SLC22A15: variants seen among roughly 807,000 people sequenced by gnomAD.
The protein encoded by SLC22A15 is flipt 1.
A neutral mutation model predicts 62.7 loss-of-function variants in SLC22A15; 45 were observed. That is an observed-to-expected ratio of 0.72 (90% CI 0.56 to 0.92). The LOEUF (loss-of-function observed/expected upper bound fraction) is 0.92. SLC22A15 is among the 40% of genes least tolerant of loss of function. SLC22A15 has a pLI of 0.00. For synonymous variants in SLC22A15, 264 were observed against 267.0 expected (o/e 0.99, Z 0.11); for missense variants, 622 against 665.6 (o/e 0.93, Z 0.72).
At chr1:116,003,858 T>C (rs1453593748) in intron 2 of SLC22A15, among the ~76,000 whole-genome samples, 1 of 152,224 alleles carries the variant, frequency 6.6e-6, no homozygotes, top group Admixed American at 6.5e-5. Context: ...AAAGAGCTGA[T>C]GTTTATGGTT....
At chr1:116,049,788 T>G (rs1040815004) in intron 8 of SLC22A15, among the ~76,000 whole-genome samples, 2 of 151,326 alleles carry the variant, frequency 1.3e-5, no homozygotes, top group African/African-American at 4.9e-5. Flanking sequence ...CAAACAAATA[T>G]GAAAGATAAA....
At chr1:116,008,314 G>A (rs75927536) in intron 2 of SLC22A15, among the ~76,000 whole-genome samples, 3,661 of 152,272 alleles carry the variant, frequency 0.024, 152 homozygotes, top group African/African-American at 0.084. Context: ...GGAACAAGGA[G>A]TGGGTGGATA....
chr1:116,006,009 C>A (rs570348688), intron 2 of SLC22A15, among the ~76,000 whole-genome samples: 2 of 152,288 alleles, frequency 1.3e-5, no homozygotes, highest in East Asian at 3.9e-4. Context: ...GGCGAATGGG[C>A]TCTCTGAAGA....
chr1:116,013,924 C>T (rs554553256), intron 2 of SLC22A15: 1 of 152,410 alleles, frequency 6.6e-6, no homozygotes, highest in Non-Finnish European at 1.5e-5. Flanking sequence ...TTCTGGAAGT[C>T]TCCAGTTCTG....
chr1:115,981,215 C>A (rs1654594192), intron 1 of SLC22A15, among the ~76,000 whole-genome samples: 1 of 152,186 alleles, frequency 6.6e-6, no homozygotes, highest in Admixed American at 6.5e-5. Flanking sequence ...AGCTCTTGTT[C>A]AGTTATAAAA....
chr1:116,040,785 T>A (rs1406434288), intron 8 of SLC22A15, among the ~76,000 whole-genome samples: 1 of 152,220 alleles, frequency 6.6e-6, no homozygotes, highest in Non-Finnish European at 1.5e-5. Flanking sequence ...GCCAGGCTAA[T>A]TTTTAAATTA....
rs1658447699 is a variant in SLC22A15 at position 116,064,346 on chromosome 1, A to T, written c.1293-90A>T. On this transcript the variant is annotated intron_variant, in intron 9 of 11. Coordinates refer to ENST00000369503, the MANE Select transcript of SLC22A15 (RefSeq NM_018420.3). ...TAGGATCCTGTGCTTCCACTTCAGG[A>T]CATGTTATTCAAGGCCCGCTGCTGC... 4 of 850,582 alleles carry T rather than the reference A, an allele frequency of 4.7e-6. No homozygotes were observed. The Admixed American group carries it at 8.1e-5, about 17-fold the overall frequency. 52.7% of individuals were successfully genotyped at this position (850,582 alleles called of 1,614,324 possible). A position where few individuals can be genotyped will look rare whatever the true frequency, so the allele number is the denominator to read the frequency against.
chr1:116,020,574 CA>C (rs530545712), intron 3 of SLC22A15, 146 bp from the exon 4 acceptor site: 146 of 642,876 alleles, frequency 2.3e-4, no homozygotes, highest in East Asian at 1.0e-3. Flanking sequence ...AACAAAAAAA[CA>C]AAAAAAAACA....
intron 8 of SLC22A15, among the ~76,000 whole-genome samples, chr1:116,043,593 G>A (rs1657850374): frequency 6.6e-6 from 1 of 151,884 alleles, no homozygotes; most frequent in Non-Finnish European, 1.5e-5. Flanking sequence ...AAAAAGAAGA[G>A]CTAATTAAGC....
chr1:116,039,113 G>A (rs1557901631), intron 8 of SLC22A15, among the ~76,000 whole-genome samples: 1 of 152,200 alleles, frequency 6.6e-6, no homozygotes, highest in Non-Finnish European at 1.5e-5. Flanking sequence ...GACCTTTGTT[G>A]ATTGTGCCCC....
intron 2 of SLC22A15, among the ~76,000 whole-genome samples, chr1:116,000,151 G>C (rs925141410): frequency 6.6e-6 from 1 of 151,544 alleles, no homozygotes; most frequent in Non-Finnish European, 1.5e-5. Flanking sequence ...TTTGTTATTT[G>C]TTTTCTGGTT....
At chr1:116,035,066 C>T in intron 6 of SLC22A15, 121 bp from the exon 7 acceptor site, 1 of 1,104,738 alleles carries the variant, frequency 9.1e-7, no homozygotes, top group South Asian at 1.8e-5. Flanking sequence ...AAGCTTATTG[C>T]TTACAGCAGA....
At chr1:116,052,250 G>A (rs563256781) in intron 8 of SLC22A15, among the ~76,000 whole-genome samples, 25 of 152,322 alleles carry the variant, frequency 1.6e-4, no homozygotes, top group South Asian at 1.2e-3. Flanking sequence ...ATTATATCCC[G>A]CACCTGGCTC....
rs745729492 is a variant in SLC22A15, at chr1:115,992,247, A to G, written c.300+4A>G. On this transcript the variant is annotated splice_donor_region_variant and intron_variant, in intron 2 of 11. Transcript: ENST00000369503. ...CTTCACCTCCATCGCCTCGGAGGTA[A>G]CAACAGGCTGTTTCAATCACTAAAT... 9 of 1,567,826 alleles carry G rather than the reference A, an allele frequency of 5.7e-6. No individual in the cohort carries two copies. Among genetic ancestry groups the G allele is most frequent in the Admixed American group, 5.7e-5 (3 of 52,896 alleles).
intron 1 of SLC22A15, among the ~76,000 whole-genome samples, chr1:115,980,050 A>G (rs1221113874): frequency 6.6e-6 from 1 of 151,728 alleles, no homozygotes; most frequent in African/African-American, 2.4e-5. Flanking sequence ...GTGCATTAAT[A>G]TTATCCATGC....
intron 4 of SLC22A15, among the ~76,000 whole-genome samples, chr1:116,025,558 A>G (rs1326151241): frequency 6.6e-6 from 1 of 152,238 alleles, no homozygotes; most frequent in African/African-American, 2.4e-5. Context: ...CAAGATTATT[A>G]TTTTTGTAAC....
intron 4 of SLC22A15, among the ~76,000 whole-genome samples, chr1:116,025,384 C>T (rs79773215): frequency 6.6e-5 from 10 of 152,170 alleles, no homozygotes; most frequent in Admixed American, 6.5e-5. Flanking sequence ...CTCACACTGT[C>T]CTCATCCCAC....
chr1:115,998,280 GGGTAATACT>G (rs1655525269), intron 2 of SLC22A15, among the ~76,000 whole-genome samples: 2 of 152,096 alleles, frequency 1.3e-5, no homozygotes, highest in African/African-American at 4.8e-5. Context: ...TTTGGTGTCA[GGGTAATACT>G]GGCCTCGAAG....
intron 1 of SLC22A15, 130 bp downstream of exon 1, chr1:115,976,844 C>A: frequency 2.9e-6 from 2 of 684,776 alleles, no homozygotes; most frequent in Non-Finnish European, 4.6e-6. Flanking sequence ...GTGTGGCGAG[C>A]GTCGGGGTGG....
Sources: allele counts gnomAD v4.1 joint callset (sites outside exome capture counted in the v4.1 genomes callset), GRCh38; gene constraint gnomAD v4.1.1; transcripts MANE v1.5; gene names NCBI Gene and HGNC (gene_info 2026-07-23, HGNC 2026-07-21).